ATP8A2: variants seen among roughly 807,000 people sequenced by gnomAD.
ATP8A2 encodes the protein ATPase phospholipid transporting 8A2.
A neutral mutation model predicts 165.6 loss-of-function variants in ATP8A2; 100 were observed. That is an observed-to-expected ratio of 0.60 (90% CI 0.51 to 0.71). The LOEUF (loss-of-function observed/expected upper bound fraction) is 0.71. Ranked by LOEUF, ATP8A2 falls within the 30% of genes least tolerant of loss-of-function variation. The pLI, the probability that ATP8A2 is intolerant of heterozygous loss-of-function variation, is 0.00. For missense variants in ATP8A2, 1,227 were observed against 1,479.5 expected (o/e 0.83, Z 2.80); for synonymous variants, 543 against 548.8 (o/e 0.99, Z 0.15).
chr13:25,831,973 C>G (rs933148442), intron 28 of ATP8A2, among the ~76,000 whole-genome samples: 1 of 151,790 alleles, frequency 6.6e-6, no homozygotes, highest in South Asian at 2.1e-4. Flanking sequence ...GAGTTTCACT[C>G]CTGTTGCCCA....
rs1593664285 is a variant in ATP8A2 at position 25,980,037 on chromosome 13, T to TATGCCAATG, written c.3377+11360_3377+11368dup. On this transcript the variant is annotated intron_variant, in intron 35 of 36. Transcript: ENST00000381655. ...ACCCAGGGAAAACCGTATGTATTTT[T>TATGCCAATG]ATGCCAATGAAGAACGGACAGTCAT... Among the ~76,000 whole-genome samples, 3 of 152,322 alleles carry TATGCCAATG rather than the reference T, an allele frequency of 2.0e-5. No individual in the cohort carries two copies. In the South Asian group the frequency reaches 6.2e-4, roughly 32 times the overall value.
chr13:25,450,914 T>C lies in ATP8A2; in HGVS notation c.77-18063T>C, dbSNP rs189683700. On this transcript the variant is annotated intron_variant, in intron 1 of 36. Coordinates refer to ENST00000381655, the MANE Select transcript of ATP8A2 (RefSeq NM_016529.6). ...CTGAGATTATAGGTTTGAGCCACTG[T>C]GCTGGGCCTTGATGTGTTTTTAAAA... is the stretch of plus-strand genomic sequence containing the variant. 2.0e-4 allele frequency among the ~76,000 whole-genome samples: 31 copies of C among 152,250 alleles called. 1 individual carries two copies. The highest frequency in any genetic ancestry group is 7.5e-4 in the African/African-American group (31 of 41,498).
chr13:25,470,906 A>T (rs1243000956), intron 2 of ATP8A2, among the ~76,000 whole-genome samples: 1 of 152,196 alleles, frequency 6.6e-6, no homozygotes. Context: ...AGTATCCAGA[A>T]GAGGCAAATT....
chr13:25,975,302 G>A (rs1016365119), intron 35 of ATP8A2, among the ~76,000 whole-genome samples: 11 of 152,272 alleles, frequency 7.2e-5, no homozygotes, highest in Non-Finnish European at 1.5e-4. Flanking sequence ...GACCGGTTGC[G>A]GTGGCTCACG....
chr13:25,397,290 G>A (rs1355748641), intron 1 of ATP8A2, among the ~76,000 whole-genome samples: 1 of 152,132 alleles, frequency 6.6e-6, no homozygotes, highest in Non-Finnish European at 1.5e-5. Flanking sequence ...ATAGGACCTG[G>A]TGAAAGTCCA....
chr13:25,584,246 C>T (rs193032973), intron 23 of ATP8A2, among the ~76,000 whole-genome samples: 12 of 152,172 alleles, frequency 7.9e-5, no homozygotes, highest in African/African-American at 2.7e-4. Context: ...CATATACGTC[C>T]GGACATTTTA....
At chr13:25,998,437 C>T (rs1956562207) in intron 35 of ATP8A2, among the ~76,000 whole-genome samples, 1 of 152,120 alleles carries the variant, frequency 6.6e-6, no homozygotes, top group African/African-American at 2.4e-5. Context: ...GGTGAGGGGG[C>T]CACCTTTTTC....
chr13:25,593,830 A>G (rs575458654), intron 24 of ATP8A2, among the ~76,000 whole-genome samples: 3 of 152,332 alleles, frequency 2.0e-5, no homozygotes, highest in Admixed American at 2.0e-4. Context: ...TTTCATTAAA[A>G]TGACTCTCAC....
intron 15 of ATP8A2, among the ~76,000 whole-genome samples, chr13:25,560,689 G>C (rs1177501341): frequency 9.2e-6 from 1 of 108,856 alleles, no homozygotes; most frequent in African/African-American, 3.7e-5. Context: ...GACAGAGTGA[G>C]ACTCTTGTCT....
chr13:25,855,684 G>A (rs1396133317), intron 30 of ATP8A2, among the ~76,000 whole-genome samples: 3 of 152,140 alleles, frequency 2.0e-5, no homozygotes, highest in Admixed American at 2.0e-4. Flanking sequence ...TGTGTACCTA[G>A]GAGTACAATG....
At chr13:25,684,105 G>T (rs2042550985) in intron 24 of ATP8A2, among the ~76,000 whole-genome samples, 1 of 152,164 alleles carries the variant, frequency 6.6e-6, no homozygotes, top group Admixed American at 6.5e-5. Context: ...TAATAAAAAG[G>T]CTTCCGCCCA....
intron 33 of ATP8A2, among the ~76,000 whole-genome samples, chr13:25,915,841 T>G (rs187193481): frequency 2.0e-3 from 305 of 152,384 alleles, no homozygotes; most frequent in Non-Finnish European, 3.3e-3. Context: ...AAGTATTTAG[T>G]GAATTGCAAT....
At chr13:25,923,206 A>G (rs947543974) in intron 33 of ATP8A2, among the ~76,000 whole-genome samples, 7 of 152,212 alleles carry the variant, frequency 4.6e-5, no homozygotes, top group African/African-American at 1.4e-4. Context: ...TCCCCTTCCC[A>G]GATCCACCAG....
intron 1 of ATP8A2, among the ~76,000 whole-genome samples, chr13:25,423,659 G>A (rs905614458): frequency 2.0e-5 from 3 of 152,140 alleles, no homozygotes; most frequent in Admixed American, 2.0e-4. Flanking sequence ...TGTCAAATGT[G>A]TTTTTAATTC....
At chr13:25,761,892 A>G (rs1171249567) in intron 25 of ATP8A2, among the ~76,000 whole-genome samples, 1 of 151,918 alleles carries the variant, frequency 6.6e-6, no homozygotes, top group Non-Finnish European at 1.5e-5. Context: ...AGGAAAAAAA[A>G]CTAAGCTTAG....
intron 24 of ATP8A2, among the ~76,000 whole-genome samples, chr13:25,689,770 T>A (rs1392206799): frequency 6.6e-6 from 1 of 152,164 alleles, no homozygotes; most frequent in Non-Finnish European, 1.5e-5. Context: ...TTCCGTGGGA[T>A]TATGGAGGTC....
intron 1 of ATP8A2, among the ~76,000 whole-genome samples, chr13:25,453,490 C>T (rs952611860): frequency 1.3e-5 from 2 of 152,070 alleles, no homozygotes; most frequent in African/African-American, 4.8e-5. Context: ...GGTTTTACGG[C>T]TTATGGCCTC....
At chr13:25,483,873 GCTCT>G (rs1307766527) in intron 2 of ATP8A2, among the ~76,000 whole-genome samples, 1 of 152,188 alleles carries the variant, frequency 6.6e-6, no homozygotes, top group Admixed American at 6.5e-5. Flanking sequence ...CACTCATTTT[GCTCT>G]CTAATTCTTT....
At chr13:25,534,455 A>G (rs1349418121) in intron 6 of ATP8A2, among the ~76,000 whole-genome samples, 1 of 152,210 alleles carries the variant, frequency 6.6e-6, no homozygotes, top group Non-Finnish European at 1.5e-5. Flanking sequence ...GAAAGGTATC[A>G]GTATCAGCTA....
Sources: allele counts gnomAD v4.1 joint callset (sites outside exome capture counted in the v4.1 genomes callset), GRCh38; gene constraint gnomAD v4.1.1; transcripts MANE v1.5; gene names NCBI Gene and HGNC (gene_info 2026-07-23, HGNC 2026-07-21).